NAE1: variants seen among roughly 807,000 people sequenced by gnomAD.
The protein encoded by NAE1 is NEDD8 activating enzyme E1 subunit 1, also known as NEDD8-activating enzyme E1 regulatory subunit.
NAE1 carries 59 observed loss-of-function variants against 88.0 expected under a neutral mutation model. The observed-to-expected ratio is 0.67, with a 90% CI of 0.54 to 0.83. NAE1 has a LOEUF of 0.83. Ranked by LOEUF, NAE1 falls within the 40% of genes least tolerant of loss-of-function variation. The pLI, the probability that NAE1 is intolerant of heterozygous loss-of-function variation, is 0.00. For synonymous variants in NAE1, 186 were observed against 208.9 expected, an observed-to-expected ratio of 0.89 and a Z score of 0.95; for missense variants, 554 against 632.8, an observed-to-expected ratio of 0.88 and a Z score of 1.34.
Position 66,807,934 on chromosome 16 carries a change from A to T in NAE1, c.1330+587T>A, listed in dbSNP as rs551758669. ...TTTTTTTTTTTTTTGAGACAGTCTCACCACAGTCACCCAGGCTGGAGTTTA... is the reference window on the plus strand; with the variant it reads ...TTTTTTTTTTTTTTGAGACAGTCTCTCCACAGTCACCCAGGCTGGAGTTTA... On this transcript the variant is annotated intron_variant, in intron 17 of 19. Coordinates refer to ENST00000290810, the MANE Select transcript of NAE1 (RefSeq NM_003905.4). 2.6e-5 allele frequency among the ~76,000 whole-genome samples: 4 copies of T among 151,068 alleles called. No homozygotes were observed. The South Asian group carries it at 8.4e-4, about 32-fold the overall frequency.
At chr16:66,812,249 G>C (rs1343972367) in intron 13 of NAE1, among the ~76,000 whole-genome samples, 2 of 152,108 alleles carry the variant, frequency 1.3e-5, no homozygotes, top group Non-Finnish European at 2.9e-5. Flanking sequence ...ATCTGACCTT[G>C]TATAAGTAAC....
chr16:66,810,338 C>G (rs1959743357), intron 15 of NAE1, 36 bp downstream of exon 15: 2 of 1,531,502 alleles, frequency 1.3e-6, no homozygotes, highest in Admixed American at 1.8e-5. Flanking sequence ...ACATTTCTAT[C>G]AAGCAAAATA....
chr16:66,830,967 C>A lies in NAE1; in HGVS notation c.-68G>T. 7.1e-7 allele frequency: 1 copy of A among 1,408,528 alleles called. No individual in the cohort carries two copies. The highest frequency in any genetic ancestry group is 2.9e-5 in the East Asian group (1 of 33,922). The allele number at this position is 1,408,528 out of a possible 1,614,324, so 87.3% of individuals were successfully genotyped here. On this transcript the variant is annotated 5_prime_UTR_variant, in exon 1 of 20. Coordinates refer to ENST00000290810, the MANE Select transcript of NAE1 (RefSeq NM_003905.4). ...CGCCGCCACCAGCTCCACAAGCGCG[C>A]AGGCGCACTGAGCGCCCCTTCGCCG...
intron 13 of NAE1, among the ~76,000 whole-genome samples, chr16:66,812,044 G>A (rs1266595065): frequency 1.3e-5 from 2 of 152,162 alleles, no homozygotes; most frequent in African/African-American, 4.8e-5. Flanking sequence ...CTGGGTTCAG[G>A]CTAGTGATAC....
intron 7 of NAE1, among the ~76,000 whole-genome samples, chr16:66,818,982 C>A (rs546288769): frequency 3.3e-5 from 5 of 152,280 alleles, no homozygotes; most frequent in Admixed American, 1.3e-4. Context: ...AAACTTAATT[C>A]TTTGGCAATA....
intron 1 of NAE1, 102 bp from the exon 2 acceptor site, chr16:66,826,882 G>C: frequency 9.9e-7 from 1 of 1,006,836 alleles, no homozygotes; most frequent in Non-Finnish European, 1.5e-6. Flanking sequence ...AGACTGATAT[G>C]ATAACCACAG....
At chr16:66,810,330 A>G (rs1959742937) in intron 15 of NAE1, 44 bp downstream of exon 15, 2 of 1,490,940 alleles carry the variant, frequency 1.3e-6, no homozygotes, top group Non-Finnish European at 1.9e-6. Context: ...CCTGTGGCAC[A>G]TTTCTATCAA....
At chr16:66,823,753 AC>A (rs1960357493) in intron 4 of NAE1, among the ~76,000 whole-genome samples, 153 bp from the exon 5 acceptor site, 1 of 152,186 alleles carries the variant, frequency 6.6e-6, no homozygotes, top group Non-Finnish European at 1.5e-5. Flanking sequence ...CTTTTTAGAG[AC>A]AGGCTTTTGC....
chr16:66,822,549 C>T (rs1190560436), intron 6 of NAE1, among the ~76,000 whole-genome samples: 1 of 151,782 alleles, frequency 6.6e-6, no homozygotes, highest in Admixed American at 6.6e-5. Context: ...CCAGCCTGAG[C>T]AACAGAGCAA....
chr16:66,811,068 G>GA (rs373517682), intron 13 of NAE1, among the ~76,000 whole-genome samples: 3 of 152,272 alleles, frequency 2.0e-5, no homozygotes, highest in African/African-American at 7.2e-5. Flanking sequence ...CAGAGGACCT[G>GA]AAAAAATACA....
chr16:66,806,610 T>A (rs988971960), intron 17 of NAE1, among the ~76,000 whole-genome samples: 1 of 151,954 alleles, frequency 6.6e-6, no homozygotes, highest in South Asian at 2.1e-4. Context: ...ATTTTTAGTT[T>A]CAGTGTTGGC....
chr16:66,816,027 A>G (rs1406003601), intron 11 of NAE1, among the ~76,000 whole-genome samples: 1 of 152,178 alleles, frequency 6.6e-6, no homozygotes, highest in African/African-American at 2.4e-5. Flanking sequence ...GTTGGTAATA[A>G]TATCTTACGT....
chr16:66,806,150 C>CA, intron 17 of NAE1, 124 bp from the exon 18 acceptor site: 1 of 1,179,738 alleles, frequency 8.5e-7, no homozygotes, highest in Non-Finnish European at 1.1e-6. Context: ...ACAAAAATAA[C>CA]AAAGTATGAG....
Position 66,813,568 on chromosome 16 carries a change from T to G in NAE1, c.1030A>C (p.Asn344His). Residue 344 changes from asparagine to histidine, a missense_variant, in exon 13 of 20, where the codon AAC becomes CAC. Asn to His is a moderately conservative substitution (Grantham distance 68). Transcript: ENST00000290810. ...ADSGKYIKLQNVYREKAKKDA... is the reference protein window; with the variant it reads ...ADSGKYIKLQHVYREKAKKDA... ...AGTTTGAAAACAGTGACATACACGT[T>G]TTGCAGTTTTATATATTTGCCTGAA... The G allele has an allele frequency of 6.2e-7, 1 of 1,609,770 alleles. No individual in the cohort carries two copies. The highest frequency in any genetic ancestry group is 8.5e-7 in the Non-Finnish European group (1 of 1,177,950).
chr16:66,809,396 T>C (rs1381715774), intron 15 of NAE1, among the ~76,000 whole-genome samples: 1 of 152,218 alleles, frequency 6.6e-6, no homozygotes, highest in Non-Finnish European at 1.5e-5. Context: ...CTGTATAAAG[T>C]GCATCTCTAG....
intron 7 of NAE1, among the ~76,000 whole-genome samples, chr16:66,821,139 T>C (rs1960240867): frequency 6.6e-6 from 1 of 152,190 alleles, no homozygotes; most frequent in South Asian, 2.1e-4. Flanking sequence ...TCCACATTCC[T>C]TAGCTCTCCA....
chr16:66,810,873 C>A (rs1959769168), intron 13 of NAE1, 101 bp from the exon 14 acceptor site: 3 of 956,896 alleles, frequency 3.1e-6, no homozygotes, highest in South Asian at 1.4e-5. Context: ...TGAAAAAACA[C>A]AGGTCTGACA....
chr16:66,825,847 C>A (rs186236060), intron 3 of NAE1, among the ~76,000 whole-genome samples: 1 of 152,280 alleles, frequency 6.6e-6, no homozygotes, highest in East Asian at 1.9e-4. Flanking sequence ...TCTACTCTAA[C>A]CCACCAAGTA....
In NAE1 at chr16:66,826,552, A is replaced by G; in HGVS notation, c.189T>C (p.Asn63=). ...TTCCAGCATCTTCTCCGCTGACCTGATTTCCATCAATAATTGTAAACGAAC... is the reference window on the plus strand; with the variant it reads ...TTCCAGCATCTTCTCCGCTGACCTGGTTTCCATCAATAATTGTAAACGAAC... The part of the protein sequence containing the change: ...GIGSFTIIDG[N]QVSGEDAGNN... Residue 63 remains asparagine, a synonymous_variant, in exon 3 of 20, where the codon AAT becomes AAC. Transcript: ENST00000290810. 4 of 1,614,162 alleles carry G rather than the reference A, an allele frequency of 2.5e-6. No homozygotes were observed. The highest frequency in any genetic ancestry group is 3.4e-6 in the Non-Finnish European group (4 of 1,180,024).
Sources: gnomAD v4.1 joint callset for allele counts (sites outside exome capture counted in the v4.1 genomes callset) on GRCh38, gnomAD v4.1.1 for gene constraint, MANE v1.5 for transcripts, NCBI Gene and HGNC (gene_info 2026-07-23, HGNC 2026-07-21) for gene names.